Variants in HSDL1 observed in about 807,000 individuals in gnomAD.
The protein encoded by HSDL1 is inactive hydroxysteroid dehydrogenase-like protein 1.
In HSDL1, 29 loss-of-function variants were observed where a neutral mutation model predicts 31.5. The observed-to-expected ratio is 0.92, with a 90% confidence interval of 0.69 to 1.26. The LOEUF is 1.26. Among genes scored for constraint, HSDL1 ranks in the 50% most tolerant of loss-of-function variants. The pLI is 0.00. For missense variants in HSDL1, 503 were observed against 416.6 expected (o/e 1.21, Z -1.81); for synonymous variants, 222 against 155.2 (o/e 1.43, Z -3.20).
At chr16:84,128,729 A>G (rs2086632760) in intron 5 of HSDL1, among the ~76,000 whole-genome samples, 2 of 151,648 alleles carry the variant, frequency 1.3e-5, no homozygotes, top group East Asian at 1.9e-4. Flanking sequence ...TTTTTTGGAA[A>G]CAGAGCCTTG....
At chr16:84,129,518 C>T in intron 5 of HSDL1, 30 bp downstream of exon 5, 1 of 1,477,150 alleles carries the variant, frequency 6.8e-7, no homozygotes, top group Non-Finnish European at 9.5e-7. Flanking sequence ...ATGCATTAAT[C>T]TAATTATGAG....
At chr16:84,128,750 T>C (rs1005363193) in intron 5 of HSDL1, among the ~76,000 whole-genome samples, 10 of 151,788 alleles carry the variant, frequency 6.6e-5, no homozygotes, top group African/African-American at 1.5e-4. Context: ...CTCTGTCGCC[T>C]AGGCTGGAGT....
intron 4 of HSDL1, 23 bp downstream of exon 4, chr16:84,129,963 T>C: frequency 1.3e-6 from 2 of 1,599,242 alleles, no homozygotes; most frequent in Non-Finnish European, 1.7e-6. Flanking sequence ...TAGGATTTCA[T>C]CTTCCAGTAA....
chr16:84,136,702 C>G (rs1474979528), intron 1 of HSDL1, among the ~76,000 whole-genome samples: 1 of 152,250 alleles, frequency 6.6e-6, no homozygotes, highest in Non-Finnish European at 1.5e-5. Context: ...AACGCCCCCA[C>G]TAGACACCCC....
chr16:84,133,070 C>G (rs1222669544), intron 2 of HSDL1, among the ~76,000 whole-genome samples: 1 of 151,300 alleles, frequency 6.6e-6, no homozygotes, highest in African/African-American at 2.4e-5. Flanking sequence ...GAATTCCCTC[C>G]TACTCCACTG....
At chr16:84,131,765 GC>G (rs796924103) in intron 2 of HSDL1, among the ~76,000 whole-genome samples, 93 of 147,864 alleles carry the variant, frequency 6.3e-4, no homozygotes, top group African/African-American at 2.3e-3. Context: ...TGCAGGCTCC[GC>G]CCCCTGGGGT....
At chr16:84,128,648 G>C (rs2086631960) in intron 5 of HSDL1, among the ~76,000 whole-genome samples, 2 of 151,550 alleles carry the variant, frequency 1.3e-5, no homozygotes, top group Non-Finnish European at 2.9e-5. Flanking sequence ...CTTTTACTTT[G>C]AAATTCCCAT....
intron 2 of HSDL1, among the ~76,000 whole-genome samples, chr16:84,132,582 G>A (rs1322497493): frequency 6.6e-6 from 1 of 152,218 alleles, no homozygotes; most frequent in Non-Finnish European, 1.5e-5. Flanking sequence ...TATGTTCTAT[G>A]TACTGTGATT....
At chr16:84,135,722 T>A (rs2086706110) in intron 1 of HSDL1, 117 bp from the exon 2 acceptor site, 1 of 152,364 alleles carries the variant, frequency 6.6e-6, no homozygotes, top group African/African-American at 2.4e-5. Flanking sequence ...ACAACAATTC[T>A]TACGCCATGA....
chr16:84,129,751 C>T lies in HSDL1; in HGVS notation c.691G>A (p.Ala231Thr), dbSNP rs762807870. The T allele has an allele frequency of 2.7e-5, 43 of 1,614,076 alleles. No individual in the cohort carries two copies. The South Asian group carries it at 4.3e-4, about 16-fold the overall frequency. ...SKAYLDHFSR[A>T]LQYEYASKGI... ...TTAGAGGCATATTCATATTGCAAGGCTCTGCTGAAGTGGTCTAAATAAGCC... is the reference window on the plus strand; with the variant it reads ...TTAGAGGCATATTCATATTGCAAGGTTCTGCTGAAGTGGTCTAAATAAGCC... The change falls in exon 5 of 6, where the codon GCC (alanine) becomes ACC (threonine). Residue 231 changes from alanine to threonine, a missense_variant. Transcript: ENST00000219439.
intron 2 of HSDL1, among the ~76,000 whole-genome samples, chr16:84,135,165 A>G (rs920079615): frequency 2.0e-5 from 3 of 151,756 alleles, no homozygotes; most frequent in Non-Finnish European, 4.4e-5. Flanking sequence ...CCGGGGAGGC[A>G]GAGCTTGCAG....
intron 1 of HSDL1, among the ~76,000 whole-genome samples, chr16:84,141,854 G>C (rs1597381430): frequency 2.6e-5 from 4 of 151,992 alleles, no homozygotes; most frequent in African/African-American, 7.3e-5. Context: ...AGAATTGTAA[G>C]AATTCTTTAA....
intron 2 of HSDL1, among the ~76,000 whole-genome samples, chr16:84,135,187 C>G (rs576743933): frequency 6.6e-6 from 1 of 150,510 alleles, no homozygotes; most frequent in Admixed American, 6.6e-5. Flanking sequence ...GAGCCAAGAT[C>G]GCGCCACTGC....
chr16:84,126,409 G>A (rs532319075), intron 5 of HSDL1, among the ~76,000 whole-genome samples: 1 of 152,230 alleles, frequency 6.6e-6, no homozygotes, highest in African/African-American at 2.4e-5. Flanking sequence ...TCGTCACACT[G>A]GGAGTGGATG....
chr16:84,125,419 C>T lies in HSDL1; in HGVS notation c.895-691G>A, dbSNP rs1037291179. ...AAATACCCACCAATCACATTACCCA[C>T]CAATCAATCACAATAAATACCCACC... On this transcript the variant is annotated intron_variant, in intron 5 of 5. Transcript: ENST00000219439. Among the ~76,000 whole-genome samples the T allele has an allele frequency of 2.7e-5, 4 of 148,698 alleles. 1 individual carries two copies. Among genetic ancestry groups the T allele is most frequent in the African/African-American group, 4.9e-5 (2 of 41,062 alleles).
intron 1 of HSDL1, among the ~76,000 whole-genome samples, chr16:84,140,228 G>A (rs141311017): frequency 2.0e-3 from 308 of 152,218 alleles, no homozygotes; most frequent in African/African-American, 6.9e-3. Context: ...GCCTCTGGAG[G>A]GCAGGAGATG....
chr16:84,133,159 G>C (rs745937830), intron 2 of HSDL1, among the ~76,000 whole-genome samples: 1 of 151,310 alleles, frequency 6.6e-6, no homozygotes. Context: ...CCACTGAAAC[G>C]GAACACATAC....
At chr16:84,128,551 G>A (rs537877617) in intron 5 of HSDL1, among the ~76,000 whole-genome samples, 1 of 152,238 alleles carries the variant, frequency 6.6e-6, no homozygotes, top group South Asian at 2.1e-4. Context: ...TAAAATGGTT[G>A]CATGAAATAT....
rs941171735 is a variant in HSDL1, at chr16:84,131,264, A to T, written c.58T>A (p.Cys20Ser). The change falls in exon 3 of 6, where the codon TGC becomes AGC. Residue 20 changes from cysteine to serine, a missense_variant. Coordinates refer to ENST00000219439, the MANE Select transcript of HSDL1 (RefSeq NM_031463.5). ...ACCAAAGCTAGAGCTTCCATATAGC[A>T]ATTGCAAGACCTGGCGATTTCCCTG... ...LYREIARSCN[C>S]YMEALALVGA... The T allele has an allele frequency of 1.9e-6, 3 of 1,614,052 alleles. No homozygotes were observed. Among genetic ancestry groups the T allele is most frequent in the Admixed American group, 1.7e-5 (1 of 59,994 alleles).
Sources: allele counts gnomAD v4.1 joint callset (sites outside exome capture counted in the v4.1 genomes callset), GRCh38; gene constraint gnomAD v4.1.1; transcripts MANE v1.5; gene names NCBI Gene and HGNC (gene_info 2026-07-23, HGNC 2026-07-21).